Variants in FSTL5 observed in about 807,000 individuals in gnomAD.
The protein encoded by FSTL5 is follistatin-related protein 5.
A neutral mutation model predicts 89.1 loss-of-function variants in FSTL5; 62 were observed. The observed-to-expected ratio is 0.70, with a 90% CI of 0.57 to 0.86. The LOEUF (loss-of-function observed/expected upper bound fraction) is 0.86, where lower values mean the gene tolerates loss of function less well. Among genes scored for constraint, FSTL5 ranks in the 40% least tolerant of loss-of-function variants. The probability of loss-of-function intolerance (pLI) is 0.00; values close to 1 mark genes in which losing one functional copy is unlikely to be tolerated. For missense variants in FSTL5, 1,057 were observed against 1,001.6 expected (o/e 1.06, Z -0.75); for synonymous variants, 383 against 346.2 (o/e 1.11, Z -1.18).
chr4:161,474,738 G>T (rs1271472822), intron 13 of FSTL5, among the ~76,000 whole-genome samples: 1 of 151,800 alleles, frequency 6.6e-6, no homozygotes, highest in Non-Finnish European at 1.5e-5. Context: ...GTAGAGATGG[G>T]GTTCCACCAT....
intron 4 of FSTL5, among the ~76,000 whole-genome samples, chr4:161,835,762 C>T (rs1308404692): frequency 3.3e-5 from 5 of 152,082 alleles, no homozygotes; most frequent in Admixed American, 1.3e-4. Flanking sequence ...GGATACCATC[C>T]CACACCAGTT....
At chr4:161,567,440 T>C (rs1446730327) in intron 8 of FSTL5, among the ~76,000 whole-genome samples, 2 of 152,128 alleles carry the variant, frequency 1.3e-5, no homozygotes, top group Non-Finnish European at 2.9e-5. Flanking sequence ...CACTCTCTTG[T>C]TATACAAGTG....
At chr4:162,042,575 C>T (rs1229164995) in intron 2 of FSTL5, among the ~76,000 whole-genome samples, 3 of 151,886 alleles carry the variant, frequency 2.0e-5, no homozygotes, top group East Asian at 3.9e-4. Flanking sequence ...GAAAATAACA[C>T]AAAGTCTCAT....
At chr4:161,515,237 G>A (rs564651373) in intron 10 of FSTL5, among the ~76,000 whole-genome samples, 5 of 151,954 alleles carry the variant, frequency 3.3e-5, no homozygotes, top group African/African-American at 1.2e-4. Flanking sequence ...TTTGTCTGTT[G>A]TCCAGGCTGG....
intron 6 of FSTL5, among the ~76,000 whole-genome samples, chr4:161,734,814 C>A: frequency 6.6e-6 from 1 of 152,198 alleles, no homozygotes; most frequent in East Asian, 1.9e-4. Context: ...CTGGGAACCC[C>A]AGCCAGGTAT....
At chr4:162,043,703 C>A (rs938572226) in intron 2 of FSTL5, among the ~76,000 whole-genome samples, 3 of 152,168 alleles carry the variant, frequency 2.0e-5, no homozygotes, top group African/African-American at 7.2e-5. Flanking sequence ...TTAGTCAATT[C>A]TCTCAAAGCC....
chr4:161,719,320 G>T (rs957774171), intron 6 of FSTL5, among the ~76,000 whole-genome samples: 1 of 152,074 alleles, frequency 6.6e-6, no homozygotes, highest in African/African-American at 2.4e-5. Context: ...TTTATTCCAA[G>T]ACTATACTGT....
intron 1 of FSTL5, among the ~76,000 whole-genome samples, chr4:162,158,363 A>C (rs1243159336): frequency 6.6e-6 from 1 of 152,128 alleles, no homozygotes; most frequent in Non-Finnish European, 1.5e-5. Flanking sequence ...ATAACATTAA[A>C]TACAGAGGGA....
chr4:161,775,932 A>G lies in FSTL5; in HGVS notation c.552T>C (p.Phe184=). ...CATTACTGTCTGCATCAAAATATTT[A>G]AACATTTGATCCACCAATAGCTTCT... The part of the protein sequence containing the change: ...SRKKLLVDQM[F]KYFDADSNGL... The change falls in exon 5 of 16, where the codon TTT becomes TTC. Residue 184 remains phenylalanine (F), a synonymous_variant. Coordinates refer to ENST00000306100, the MANE Select transcript of FSTL5 (RefSeq NM_020116.5). 1.2e-6 allele frequency: 2 copies of G among 1,605,604 alleles called. No homozygotes were observed. The highest frequency in any genetic ancestry group is 8.5e-7 in the Non-Finnish European group (1 of 1,176,050).
intron 6 of FSTL5, among the ~76,000 whole-genome samples, chr4:161,716,616 TA>T (rs1424562948): frequency 6.6e-6 from 1 of 151,936 alleles, no homozygotes; most frequent in Non-Finnish European, 1.5e-5. Flanking sequence ...ATAAATAAAA[TA>T]AAATAAAATA....
chr4:161,775,774 T>A (rs1342823615), intron 5 of FSTL5, 104 bp downstream of exon 5: 2 of 576,730 alleles, frequency 3.5e-6, no homozygotes, highest in Non-Finnish European at 5.7e-6. Context: ...TTCAATAATA[T>A]GGATCAAATA....
chr4:161,391,520 C>T (rs6536589), intron 15 of FSTL5, among the ~76,000 whole-genome samples: 85,029 of 151,936 alleles, frequency 0.56, 23,817 homozygotes, highest in South Asian at 0.61. Flanking sequence ...ATAAATCTGA[C>T]ATGAGCTATC....
At chr4:161,399,816 T>A (rs1397364667) in intron 15 of FSTL5, among the ~76,000 whole-genome samples, 1 of 152,082 alleles carries the variant, frequency 6.6e-6, no homozygotes, top group Non-Finnish European at 1.5e-5. Flanking sequence ...ACAAGAGCAA[T>A]AGGAGGTGGC....
At chr4:161,991,421 A>G (rs1736109184) in intron 3 of FSTL5, among the ~76,000 whole-genome samples, 1 of 152,058 alleles carries the variant, frequency 6.6e-6, no homozygotes, top group African/African-American at 2.4e-5. Context: ...GCTGGAAGAT[A>G]GTGATTTGGT....
rs111428792 is a variant in FSTL5 at position 161,735,521 on chromosome 4, A to G, written c.727+23890T>C. Among the ~76,000 whole-genome samples, 601 of 152,286 alleles carry G rather than the reference A, an allele frequency of 3.9e-3. 5 individuals are homozygous for G. Among genetic ancestry groups the G allele is most frequent in the African/African-American group, 0.014 (573 of 41,562 alleles). ...AAATACATAATTTTAAAAAACCATG[A>G]GGTTATCCTGTTTTCCATTATCATC... On this transcript the variant is annotated intron_variant, in intron 6 of 15. Coordinates refer to ENST00000306100, the MANE Select transcript of FSTL5 (RefSeq NM_020116.5).
chr4:161,384,107 G>GT lies in FSTL5; in HGVS notation c.*1639dup, dbSNP rs1416373091. The GT allele has an allele frequency of 6.6e-6, 1 of 152,064 alleles. No homozygotes were observed. The highest frequency in any genetic ancestry group is 2.4e-5 in the African/African-American group (1 of 41,424). 9.4% of individuals were successfully genotyped at this position (152,064 alleles called of 1,614,324 possible). On this transcript the variant is annotated 3_prime_UTR_variant, in exon 16 of 16. Transcript: ENST00000306100. ...GTAGAAACATAAGCTGATTTTTGTTGTTTATTAAATCTACCTCGCATGTTT... is the reference window on the plus strand; with the variant it reads ...GTAGAAACATAAGCTGATTTTTGTTGTTTTATTAAATCTACCTCGCATGTTT...
intron 3 of FSTL5, among the ~76,000 whole-genome samples, chr4:161,947,345 A>G (rs1734765653): frequency 1.3e-5 from 2 of 152,014 alleles, no homozygotes; most frequent in East Asian, 3.9e-4. Context: ...CTAATTTTAT[A>G]TGCTTTTTCT....
chr4:161,547,054 G>A (rs1732031477), intron 8 of FSTL5, among the ~76,000 whole-genome samples: 3 of 152,008 alleles, frequency 2.0e-5, no homozygotes, highest in South Asian at 2.1e-4. Context: ...TTCAGCTGCC[G>A]TGTCATAAGA....
intron 4 of FSTL5, among the ~76,000 whole-genome samples, chr4:161,874,079 T>C (rs1385652784): frequency 1.3e-5 from 2 of 152,254 alleles, no homozygotes; most frequent in East Asian, 1.9e-4. Context: ...TATTGTGTTA[T>C]TGAGTATGAA....
Sources: allele counts gnomAD v4.1 joint callset (sites outside exome capture counted in the v4.1 genomes callset), GRCh38; gene constraint gnomAD v4.1.1; transcripts MANE v1.5; gene names NCBI Gene and HGNC (gene_info 2026-07-23, HGNC 2026-07-21).